Variants in SPARCL1 observed in about 807,000 individuals in gnomAD.
SPARCL1 encodes SPARC like 1.
Under a neutral mutation model 67.1 loss-of-function variants are expected in SPARCL1, and 52 were observed. The ratio of observed to expected loss-of-function variants is 0.78; its 90% CI spans 0.62 to 0.98. The LOEUF is 0.98. Ranked by LOEUF, SPARCL1 falls within the 50% of genes least tolerant of loss-of-function variation. SPARCL1 has a pLI of 0.00. For missense variants in SPARCL1, 717 were observed against 782.4 expected (o/e 0.92, Z 1.00); for synonymous variants, 226 against 267.8 (o/e 0.84, Z 1.52).
chr4:87,507,231 G>A (rs1245384350), intron 1 of SPARCL1, among the ~76,000 whole-genome samples: 1 of 152,098 alleles, frequency 6.6e-6, no homozygotes, highest in East Asian at 1.9e-4. Context: ...ACTTAAAAGG[G>A]GAGTAAGAAT....
chr4:87,496,455 G>A (rs898197236), intron 2 of SPARCL1, among the ~76,000 whole-genome samples: 1 of 152,090 alleles, frequency 6.6e-6, no homozygotes, highest in African/African-American at 2.4e-5. Flanking sequence ...CTGAACTCAA[G>A]CAATCTTCCT....
intron 1 of SPARCL1, among the ~76,000 whole-genome samples, chr4:87,510,230 C>T (rs747563018): frequency 1.1e-4 from 16 of 151,862 alleles, no homozygotes; most frequent in Non-Finnish European, 2.2e-4. Context: ...TGTCTCTTCC[C>T]GATTCTGTTC....
At chr4:87,482,010 T>A (rs1723842204) in intron 8 of SPARCL1, among the ~76,000 whole-genome samples, 1 of 152,248 alleles carries the variant, frequency 6.6e-6, no homozygotes, top group African/African-American at 2.4e-5. Flanking sequence ...CTGTGCTTTT[T>A]AATCTTAATA....
Position 87,473,506 on chromosome 4 carries a change from C to T in SPARCL1, c.*269G>A, listed in dbSNP as rs935529869. On this transcript the variant is annotated 3_prime_UTR_variant, in exon 11 of 11. Transcript: ENST00000282470. ...TCATTAATTATCTCATAAGTCAATG[C>T]AGAGAGTGAAATTACTATGAATTAA... 6.4e-6 allele frequency: 2 copies of T among 312,694 alleles called. No homozygotes were observed. Among genetic ancestry groups the T allele is most frequent in the African/African-American group, 4.3e-5 (2 of 46,430 alleles). The allele number at this position is 312,694 out of a possible 1,614,324, so 19.4% of individuals were successfully genotyped here.
chr4:87,506,683 A>G (rs917304490), intron 1 of SPARCL1, among the ~76,000 whole-genome samples: 9 of 152,084 alleles, frequency 5.9e-5, no homozygotes, highest in Admixed American at 3.9e-4. Flanking sequence ...GAACTATACA[A>G]TTGGCTCTCT....
chr4:87,523,776 A>G (rs979429201), intron 1 of SPARCL1, among the ~76,000 whole-genome samples: 1 of 152,232 alleles, frequency 6.6e-6, no homozygotes, highest in Admixed American at 6.5e-5. Context: ...CATAGATTAA[A>G]TATCCCAAGT....
At chr4:87,499,325 A>G (rs1724751056) in intron 2 of SPARCL1, among the ~76,000 whole-genome samples, 196 bp downstream of exon 2, 1 of 152,150 alleles carries the variant, frequency 6.6e-6, no homozygotes, top group African/African-American at 2.4e-5. Flanking sequence ...GTAGAACCTG[A>G]TAGTTCTAAA....
intron 1 of SPARCL1, among the ~76,000 whole-genome samples, chr4:87,525,944 C>CA (rs990527312): frequency 1.3e-4 from 17 of 132,964 alleles, no homozygotes; most frequent in Non-Finnish European, 2.5e-4. Flanking sequence ...CAAACAAAGA[C>CA]AAAAAAACAA....
At chr4:87,526,058 ATGT>A (rs1726027014) in intron 1 of SPARCL1, among the ~76,000 whole-genome samples, 1 of 152,330 alleles carries the variant, frequency 6.6e-6, no homozygotes, top group Non-Finnish European at 1.5e-5. Flanking sequence ...GAAAGAAGAA[ATGT>A]TGGGGGCTTT....
intron 6 of SPARCL1, 40 bp from the exon 7 acceptor site, chr4:87,490,433 A>AG (rs764758867): frequency 6.9e-6 from 11 of 1,582,738 alleles, no homozygotes; most frequent in Admixed American, 1.9e-5. Flanking sequence ...ATAGAGCCAA[A>AG]TGCTCACTGG....
intron 1 of SPARCL1, among the ~76,000 whole-genome samples, chr4:87,500,929 T>G (rs374765083): frequency 8.5e-5 from 13 of 152,234 alleles, no homozygotes; most frequent in African/African-American, 3.1e-4. Context: ...AAGTAGTCAT[T>G]TCATGTGTTG....
chr4:87,491,890 A>C (rs1578100772), intron 4 of SPARCL1, among the ~76,000 whole-genome samples, 200 bp from the exon 5 acceptor site: 2 of 149,896 alleles, frequency 1.3e-5, no homozygotes, highest in East Asian at 4.0e-4. Context: ...GGATCACTTG[A>C]GCCCAGGAGT....
chr4:87,512,359 G>C (rs1725399917), intron 1 of SPARCL1, among the ~76,000 whole-genome samples: 1 of 152,158 alleles, frequency 6.6e-6, no homozygotes. Flanking sequence ...GGTAAACAAT[G>C]ATGACCCCCA....
intron 10 of SPARCL1, among the ~76,000 whole-genome samples, chr4:87,477,055 G>A (rs1723611556): frequency 6.6e-6 from 1 of 152,170 alleles, no homozygotes; most frequent in Non-Finnish European, 1.5e-5. Context: ...CCAAACCACA[G>A]TGCACAAACA....
chr4:87,508,889 G>GTGTATATATATATA (rs1300541882), intron 1 of SPARCL1, among the ~76,000 whole-genome samples: 2 of 138,360 alleles, frequency 1.4e-5, no homozygotes, highest in African/African-American at 5.3e-5. Flanking sequence ...ATGTATATAA[G>GTGTATATATATATA]TATATATATA....
Position 87,494,286 on chromosome 4 carries a change from G to T in SPARCL1, c.514C>A (p.His172Asn), listed in dbSNP as rs372795399. Reference sequence around the variant, plus strand: ...TTACTGCTCCTGTTCAACTGATGATGTGAATAATTTCTAGGTTGTTCTTGG... The same window carrying T: ...TTACTGCTCCTGTTCAACTGATGATTTGAATAATTTCTAGGTTGTTCTTGG... The part of the protein sequence containing the change: ...ENQEQPRNYS[H>N]HQLNRSSKHS... Residue 172 changes from histidine to asparagine, a missense_variant, in exon 4 of 11, where the codon CAT (histidine) becomes AAT (asparagine). Coordinates refer to ENST00000282470, the MANE Select transcript of SPARCL1 (RefSeq NM_004684.6). 6.2e-7 allele frequency: 1 copy of T among 1,614,024 alleles called. No homozygotes were observed. The highest frequency in any genetic ancestry group is 8.5e-7 in the Non-Finnish European group (1 of 1,179,986).
Position 87,495,116 on chromosome 4 carries a change from T to C in SPARCL1, c.66A>G (p.Arg22=), listed in dbSNP as rs773822271. Residue 22 remains arginine, a synonymous_variant, in exon 3 of 11, where the codon AGA becomes AGG. Transcript: ENST00000282470. ...TTGGTTTGGAATGATCAGATAATAA[T>C]CTTGCATTTGTCTGAAAAAATTAAA... ...GTAAAIPTNA[R]LLSDHSKPTA... 1 of 1,601,074 alleles carries C rather than the reference T, an allele frequency of 6.2e-7. No homozygotes were observed. The highest frequency in any genetic ancestry group is 1.8e-5 in the Admixed American group (1 of 55,560).
chr4:87,496,229 T>A (rs974423119), intron 2 of SPARCL1, among the ~76,000 whole-genome samples: 2 of 152,152 alleles, frequency 1.3e-5, no homozygotes, highest in Non-Finnish European at 2.9e-5. Context: ...TAATTCATTA[T>A]ATTAATTTTT....
At chr4:87,511,699 A>G (rs1403928991) in intron 1 of SPARCL1, among the ~76,000 whole-genome samples, 1 of 152,090 alleles carries the variant, frequency 6.6e-6, no homozygotes, top group South Asian at 2.1e-4. Flanking sequence ...GAAATTATCC[A>G]TTGCCTCTGG....
Sources: allele counts gnomAD v4.1 joint callset (sites outside exome capture counted in the v4.1 genomes callset), GRCh38; gene constraint gnomAD v4.1.1; transcripts MANE v1.5; gene names NCBI Gene and HGNC (gene_info 2026-07-23, HGNC 2026-07-21).